Variants in IRAG1 observed in about 807,000 individuals in gnomAD.
IRAG1 encodes inositol 1,4,5-triphosphate receptor associated 1, also known as IP3R-associated cGMP kinase substrate.
In IRAG1, 62 loss-of-function variants were observed where a neutral mutation model predicts 106.2. That is an observed-to-expected ratio of 0.58 (90% CI 0.48 to 0.72). IRAG1 has a LOEUF of 0.72. IRAG1 is among the 30% of genes least tolerant of loss of function. IRAG1 has a pLI of 0.00. For synonymous variants in IRAG1, 462 were observed against 443.9 expected (o/e 1.04, Z -0.51); for missense variants, 1,064 against 1,140.7 (o/e 0.93, Z 0.97).
intron 10 of IRAG1, among the ~76,000 whole-genome samples, chr11:10,618,934 G>A (rs905764203): frequency 2.0e-5 from 3 of 152,168 alleles, no homozygotes; most frequent in Non-Finnish European, 4.4e-5. Flanking sequence ...CTGCTGTGTT[G>A]GCCATGGTGT....
chr11:10,581,919 C>T lies in IRAG1; in HGVS notation c.2308G>A (p.Glu770Lys), dbSNP rs778204721. The stretch of plus-strand genomic sequence containing the variant: ...CTGGCCTTGGTCTCCTGACTAAGCT[C>T]CTCCAGGCAGCTCAGGGTCAGCGCA... ...APALTLSCLE[E>K]LSQETKARME... is the part of the protein sequence containing the mutation. Residue 770 changes from glutamate (E) to lysine (K), a missense_variant, in exon 19 of 21, where the codon GAG becomes AAG. By Grantham distance (56) the Glu-to-Lys change is moderately conservative. Transcript: ENST00000423302. 1.2e-6 allele frequency: 2 copies of T among 1,613,942 alleles called. No homozygotes were observed. Among genetic ancestry groups the T allele is most frequent in the Non-Finnish European group, 8.5e-7 (1 of 1,179,826 alleles).
chr11:10,593,874 ACCCT>A, intron 16 of IRAG1: 1 of 572,672 alleles, frequency 1.7e-6, no homozygotes, highest in African/African-American at 1.9e-5. Context: ...TCTGGGTAAC[ACCCT>A]GGAGACTGTA....
rs117171954 is a variant in IRAG1, at chr11:10,583,149, A to C, written c.2241-1163T>G. Among the ~76,000 whole-genome samples, 22 of 152,336 alleles carry C rather than the reference A, an allele frequency of 1.4e-4. No individual in the cohort carries two copies. The East Asian group carries it at 3.1e-3, about 21-fold the overall frequency. Reference sequence around the variant, plus strand: ...GTAGACAGTTGAATTCACCAAAGTGAGTCAGGGAAGTTTTAGCTGGAGATA... The same window carrying C: ...GTAGACAGTTGAATTCACCAAAGTGCGTCAGGGAAGTTTTAGCTGGAGATA... On this transcript the variant is annotated intron_variant, in intron 18 of 20. Transcript: ENST00000423302.
chr11:10,616,682 A>G (rs765108717), intron 10 of IRAG1, among the ~76,000 whole-genome samples: 1 of 152,214 alleles, frequency 6.6e-6, no homozygotes, highest in Non-Finnish European at 1.5e-5. Flanking sequence ...TTCAAGTTCA[A>G]TTAAATTCTA....
chr11:10,594,084 T>TG (rs1198682104), intron 16 of IRAG1, 62 bp downstream of exon 16: 2 of 1,440,806 alleles, frequency 1.4e-6, no homozygotes, highest in Non-Finnish European at 1.9e-6. Context: ...ATTGTTTGGG[T>TG]GACCATGGAA....
chr11:10,624,221 TC>T (rs1436211499), intron 9 of IRAG1, among the ~76,000 whole-genome samples: 1 of 152,044 alleles, frequency 6.6e-6, no homozygotes, highest in African/African-American at 2.4e-5. Context: ...GACAGGAGGG[TC>T]CCCTGGGTGT....
Position 10,609,788 on chromosome 11 carries a change from A to G in IRAG1, c.1511T>C (p.Met504Thr), listed in dbSNP as rs774306328. Reference protein sequence around the residue: ...EEESKSGLDVMPNISDVLLRK... With the variant: ...EEESKSGLDVTPNISDVLLRK... ...CAGCAGCACATCAGAAATATTAGGC[A>G]TGACATCTAAGCCACTCTTTGACTC... Residue 504 changes from methionine to threonine, a missense_variant, in exon 11 of 21, where the codon ATG becomes ACG. By Grantham distance (81) the Met-to-Thr change is moderately conservative. Coordinates refer to ENST00000423302, the MANE Select transcript of IRAG1 (RefSeq NM_130385.4). The G allele has an allele frequency of 6.8e-6, 11 of 1,613,972 alleles. No individual in the cohort carries two copies. The East Asian group carries it at 2.0e-4, about 29-fold the overall frequency.
chr11:10,580,999 C>T (rs1851331532), intron 19 of IRAG1, among the ~76,000 whole-genome samples: 1 of 152,170 alleles, frequency 6.6e-6, no homozygotes, highest in African/African-American at 2.4e-5. Flanking sequence ...TTGCAAGTGC[C>T]AGGCACATGG....
At chr11:10,617,862 G>A (rs1260631866) in intron 10 of IRAG1, among the ~76,000 whole-genome samples, 1 of 152,094 alleles carries the variant, frequency 6.6e-6, no homozygotes, top group African/African-American at 2.4e-5. Flanking sequence ...CCTCTCACCA[G>A]GCTATTTCCC....
chr11:10,667,223 C>T (rs980125008), intron 1 of IRAG1, among the ~76,000 whole-genome samples: 4 of 151,902 alleles, frequency 2.6e-5, no homozygotes, highest in African/African-American at 7.3e-5. Flanking sequence ...ACATTGTTCT[C>T]GTGGCCTTTC....
intron 2 of IRAG1, among the ~76,000 whole-genome samples, chr11:10,643,196 A>AAAAAAAAAAAAC (rs1589901771): frequency 6.6e-6 from 1 of 151,192 alleles, no homozygotes; most frequent in Non-Finnish European, 1.5e-5. Flanking sequence ...AAAAAAAAAA[A>AAAAAAAAAAAAC]AAAGGACTCT....
chr11:10,582,332 GTCTA>G (rs747699578), intron 18 of IRAG1, among the ~76,000 whole-genome samples: 34 of 152,150 alleles, frequency 2.2e-4, no homozygotes, highest in Admixed American at 3.9e-4. Context: ...CATTCCTGTT[GTCTA>G]TCTTTCACCT....
intron 1 of IRAG1, among the ~76,000 whole-genome samples, chr11:10,667,847 T>G: frequency 6.6e-6 from 1 of 152,210 alleles, no homozygotes; most frequent in East Asian, 1.9e-4. Flanking sequence ...CCTGGGAATC[T>G]GTATGGCTAA....
chr11:10,633,970 G>A lies in IRAG1; in HGVS notation c.327C>T (p.Asn109=). The A allele has an allele frequency of 6.2e-7, 1 of 1,607,286 alleles. No individual in the cohort carries two copies. The highest frequency in any genetic ancestry group is 8.5e-7 in the Non-Finnish European group (1 of 1,174,992). The change falls in exon 3 of 21, where the codon AAC becomes AAT. Residue 109 remains asparagine, a splice_region_variant and synonymous_variant. Transcript: ENST00000423302. ...ATGCAAGGATCAGGCACCTGTACCTGTTGGCCAGGTTTTTGTCGGTTTCTC... is the reference window on the plus strand; with the variant it reads ...ATGCAAGGATCAGGCACCTGTACCTATTGGCCAGGTTTTTGTCGGTTTCTC... ...PEGETDKNLA[N]RVHSPHKRLS...
At chr11:10,580,214 A>G (rs1011984561) in intron 20 of IRAG1, among the ~76,000 whole-genome samples, 2 of 151,982 alleles carry the variant, frequency 1.3e-5, no homozygotes, top group African/African-American at 4.8e-5. Context: ...CTCCCTTCCC[A>G]TGACTGCCCC....
At chr11:10,614,977 C>T (rs942687862) in intron 10 of IRAG1, among the ~76,000 whole-genome samples, 2 of 152,192 alleles carry the variant, frequency 1.3e-5, no homozygotes, top group Non-Finnish European at 2.9e-5. Context: ...GCAAAAGAAA[C>T]TACCATCAGA....
intron 15 of IRAG1, among the ~76,000 whole-genome samples, chr11:10,596,902 T>A (rs1011730270): frequency 2.6e-5 from 4 of 152,242 alleles, no homozygotes; most frequent in South Asian, 2.1e-4. Flanking sequence ...TGCTACATGC[T>A]CATTTACTTC....
At chr11:10,687,656 C>A in intron 1 of IRAG1, 1 of 1,274,176 alleles carries the variant, frequency 7.8e-7, no homozygotes, top group Non-Finnish European at 1.0e-6. Flanking sequence ...ACACAGATGC[C>A]CAATCCTCTT....
At chr11:10,610,106 G>A (rs1269256053) in intron 10 of IRAG1, among the ~76,000 whole-genome samples, 1 of 152,162 alleles carries the variant, frequency 6.6e-6, no homozygotes, top group African/African-American at 2.4e-5. Context: ...CAGACCTCAA[G>A]GTCTACCTGC....
Sources: allele counts gnomAD v4.1 joint callset (sites outside exome capture counted in the v4.1 genomes callset), GRCh38; gene constraint gnomAD v4.1.1; transcripts MANE v1.5; gene names NCBI Gene and HGNC (gene_info 2026-07-23, HGNC 2026-07-21).